Variants in OPHN1 observed in about 807,000 individuals in gnomAD.
OPHN1 encodes the protein oligophrenin 1.
A neutral mutation model predicts 60.7 loss-of-function variants in OPHN1; 11 were observed. The observed-to-expected ratio is 0.18, with a 90% CI of 0.11 to 0.30. OPHN1 has a LOEUF of 0.30. OPHN1 is among the 10% of genes least tolerant of loss of function. The pLI is 1.00. For missense variants in OPHN1, 449 were observed against 611.0 expected (o/e 0.73, Z 2.80); for synonymous variants, 226 against 222.6 (o/e 1.02, Z -0.14).
chrX:68,385,897 T>C (rs746801553), intron 2 of OPHN1, among the ~76,000 whole-genome samples: 1 of 112,235 alleles, frequency 8.9e-6, no homozygotes, highest in Admixed American at 9.5e-5. Flanking sequence ...GAGCAGCAAG[T>C]TGTTCGCTCT....
chrX:68,397,163 G>GGAAGTTCTATTTA (rs1336689133), intron 2 of OPHN1, among the ~76,000 whole-genome samples: 1 of 112,163 alleles, frequency 8.9e-6, no homozygotes, highest in Non-Finnish European at 1.9e-5. Context: ...AGCCTGTAAT[G>GGAAGTTCTATTTA]GAAGTTCTAT....
intron 2 of OPHN1, among the ~76,000 whole-genome samples, chrX:68,317,368 A>AAGGAAGG (rs2078206489): frequency 1.5e-5 from 1 of 67,248 alleles, no homozygotes; most frequent in Non-Finnish European, 2.6e-5. Flanking sequence ...AGAAAGAAAG[A>AAGGAAGG]AAGAAAGAAA....
At chrX:68,361,511 AT>A (rs1261689268) in intron 2 of OPHN1, among the ~76,000 whole-genome samples, 20 of 109,584 alleles carry the variant, frequency 1.8e-4, no homozygotes, top group Non-Finnish European at 2.5e-4. Context: ...AATAAAAAAA[AT>A]ATATATGTAT....
chrX:68,272,184 T>C (rs1194818683), intron 5 of OPHN1, among the ~76,000 whole-genome samples: 1 of 111,732 alleles, frequency 8.9e-6, no homozygotes, highest in Non-Finnish European at 1.9e-5. Context: ...TCATTTTGAC[T>C]ATTGGAATTC....
At chrX:68,351,867 T>A (rs1223414211) in intron 2 of OPHN1, among the ~76,000 whole-genome samples, 2 of 83,807 alleles carry the variant, frequency 2.4e-5, no homozygotes, top group African/African-American at 1.1e-4. Flanking sequence ...TGGCTAATTT[T>A]TTTTTCTTTT....
chrX:68,427,904 G>A (rs975085239), intron 2 of OPHN1, among the ~76,000 whole-genome samples: 6 of 110,613 alleles, frequency 5.4e-5, no homozygotes, highest in Non-Finnish European at 1.1e-4. Context: ...GCTGAGGCTG[G>A]TGGATCACTT....
At chrX:68,232,497 A>T (rs745333921) in intron 6 of OPHN1, among the ~76,000 whole-genome samples, 1 of 111,986 alleles carries the variant, frequency 8.9e-6, no homozygotes, top group East Asian at 2.8e-4. Flanking sequence ...AGCTCATAAG[A>T]GAATGAGTAG....
At chrX:68,217,366 T>A in intron 6 of OPHN1, among the ~76,000 whole-genome samples, 1 of 111,708 alleles carries the variant, frequency 9.0e-6, no homozygotes, top group Non-Finnish European at 1.9e-5. Context: ...GCGCCCGCCA[T>A]TGCCCAGGCT....
chrX:68,174,605 G>A (rs918650004), intron 15 of OPHN1, among the ~76,000 whole-genome samples: 6 of 106,079 alleles, frequency 5.7e-5, no homozygotes, highest in Non-Finnish European at 9.6e-5. Flanking sequence ...CCAGGCAGTT[G>A]GGACTATAAG....
At position 68,253,809 on chromosome X, in the gene OPHN1, T is replaced by C. The variant is rs183881703; in HGVS notation, c.385-19221A>G. Reference sequence around the variant, plus strand: ...GTTCTGGAAATGCCTCTAAGATTTCTACTTTATCTACTGTTATCAGTCTTG... The same window carrying C: ...GTTCTGGAAATGCCTCTAAGATTTCCACTTTATCTACTGTTATCAGTCTTG... On this transcript the variant is annotated intron_variant, in intron 5 of 24. Transcript: ENST00000355520. Among the ~76,000 whole-genome samples, 623 of 112,002 alleles carry C rather than the reference T, an allele frequency of 5.6e-3. 7 individuals are homozygous for C. Among genetic ancestry groups the C allele is most frequent in the African/African-American group, 0.019 (590 of 30,868 alleles).
chrX:68,071,566 C>T, intron 20 of OPHN1: 4 of 589,632 alleles, frequency 6.8e-6, no homozygotes, highest in Non-Finnish European at 1.2e-5. Flanking sequence ...GGGACACCAT[C>T]AGGCTGGCCT....
intron 6 of OPHN1, among the ~76,000 whole-genome samples, chrX:68,217,290 T>C (rs2077616951): frequency 8.9e-6 from 1 of 111,916 alleles, no homozygotes; most frequent in Non-Finnish European, 1.9e-5. Context: ...GCCCACGCAG[T>C]CTCGCTGATT....
At chrX:68,129,852 G>A (rs758220866) in intron 15 of OPHN1, among the ~76,000 whole-genome samples, 53 of 112,386 alleles carry the variant, frequency 4.7e-4, no homozygotes, top group African/African-American at 1.6e-3. Flanking sequence ...CAGAAAGCGT[G>A]AGCAGAAATA....
At chrX:68,205,155 T>C (rs1186315400) in intron 10 of OPHN1, among the ~76,000 whole-genome samples, 1 of 111,090 alleles carries the variant, frequency 9.0e-6, no homozygotes, top group Non-Finnish European at 1.9e-5. Flanking sequence ...TGGCCCATGA[T>C]AAAAGCACAG....
chrX:68,157,651 T>C (rs191887348), intron 15 of OPHN1, among the ~76,000 whole-genome samples: 1 of 111,482 alleles, frequency 9.0e-6, no homozygotes, highest in East Asian at 2.8e-4. Context: ...GGGTGTAACA[T>C]ATGCATGTAA....
At chrX:68,262,851 G>A (rs980029937) in intron 5 of OPHN1, among the ~76,000 whole-genome samples, 1 of 110,026 alleles carries the variant, frequency 9.1e-6, no homozygotes, top group African/African-American at 3.3e-5. Flanking sequence ...GGACAGGACA[G>A]GACAGGACAG....
chrX:68,187,667 G>T (rs1035778246), intron 15 of OPHN1, among the ~76,000 whole-genome samples: 1 of 110,694 alleles, frequency 9.0e-6, no homozygotes, highest in East Asian at 2.8e-4. Context: ...TTGCTCTGTC[G>T]CCCAGGCTGG....
chrX:68,373,240 A>C (rs954510259), intron 2 of OPHN1, among the ~76,000 whole-genome samples: 2 of 112,588 alleles, frequency 1.8e-5, no homozygotes, highest in African/African-American at 6.4e-5. Flanking sequence ...ATTTGTTTGG[A>C]GAACAGGGCA....
chrX:68,230,161 A>T (rs999320606), intron 6 of OPHN1, among the ~76,000 whole-genome samples: 2 of 112,243 alleles, frequency 1.8e-5, no homozygotes, highest in Non-Finnish European at 1.9e-5. Context: ...ACACAGGAAA[A>T]AATGCTCATC....
Sources: gnomAD v4.1 joint callset for allele counts (sites outside exome capture counted in the v4.1 genomes callset) on GRCh38, gnomAD v4.1.1 for gene constraint, MANE v1.5 for transcripts, NCBI Gene and HGNC (gene_info 2026-07-23, HGNC 2026-07-21) for gene names.